Variants in TRPM3 observed in about 807,000 individuals in gnomAD.
The protein encoded by TRPM3 is long transient receptor potential channel 3.
Under a neutral mutation model 181.2 loss-of-function variants are expected in TRPM3, and 77 were observed. That is an observed-to-expected ratio of 0.42 (90% confidence interval 0.35 to 0.51). The LOEUF is 0.51. TRPM3 is among the 20% of genes least tolerant of loss of function. TRPM3 has a pLI of 0.01. For missense variants in TRPM3, 1,759 were observed against 2,196.7 expected, an observed-to-expected ratio of 0.80 and a Z score of 3.98; for synonymous variants, 745 against 796.4, an observed-to-expected ratio of 0.94 and a Z score of 1.09.
intron 1 of TRPM3, among the ~76,000 whole-genome samples, chr9:71,195,033 A>G (rs2078260502): frequency 1.3e-5 from 2 of 152,034 alleles, no homozygotes; most frequent in South Asian, 4.1e-4. Context: ...AGATCATCAC[A>G]TTAAAGAATA....
chr9:70,817,114 T>C (rs2092759149), intron 6 of TRPM3, among the ~76,000 whole-genome samples: 1 of 152,224 alleles, frequency 6.6e-6, no homozygotes, highest in African/African-American at 2.4e-5. Context: ...TATCTAGTCT[T>C]CCTTTCCTTC....
At chr9:71,122,070 T>A (rs921672568), upstream of TRPM3, among the ~76,000 whole-genome samples, 3 of 152,222 alleles carry the variant, frequency 2.0e-5, no homozygotes, top group African/African-American at 7.2e-5. Context: ...CAAAGCAGTT[T>A]AAACTCATGG....
chr9:71,004,357 A>G (rs559036478), intron 1 of TRPM3, among the ~76,000 whole-genome samples: 87 of 152,368 alleles, frequency 5.7e-4, no homozygotes, highest in African/African-American at 2.0e-3. Context: ...CTGGGAAACA[A>G]GGGCAGCACA....
chr9:71,063,298 T>A (rs1237095237), intron 1 of TRPM3, among the ~76,000 whole-genome samples: 2 of 152,140 alleles, frequency 1.3e-5, no homozygotes, highest in Non-Finnish European at 2.9e-5. Flanking sequence ...ATCAATAGCT[T>A]AGCTGAGTAC....
intron 22 of TRPM3, among the ~76,000 whole-genome samples, chr9:70,582,371 T>G (rs1184400842): frequency 6.6e-6 from 1 of 152,240 alleles, no homozygotes; most frequent in African/African-American, 2.4e-5. Flanking sequence ...CTTGATTGAT[T>G]GTTTAAAGCA....
At chr9:70,641,768 G>A (rs918409482) in intron 9 of TRPM3, among the ~76,000 whole-genome samples, 2 of 152,166 alleles carry the variant, frequency 1.3e-5, no homozygotes, top group Non-Finnish European at 2.9e-5. Flanking sequence ...CTAGGTGAAT[G>A]CATCCTGTCC....
chr9:70,995,384 C>T (rs183897711), intron 1 of TRPM3, among the ~76,000 whole-genome samples: 1 of 152,272 alleles, frequency 6.6e-6, no homozygotes, highest in Admixed American at 6.5e-5. Context: ...CTGCTTTTAA[C>T]TCTTATCTTT....
chr9:71,246,565 C>T (rs2082045606), intron 1 of TRPM3, among the ~76,000 whole-genome samples: 1 of 152,196 alleles, frequency 6.6e-6, no homozygotes, highest in African/African-American at 2.4e-5. Flanking sequence ...CAAACAATGG[C>T]TTTAACAAAC....
upstream of TRPM3, among the ~76,000 whole-genome samples, chr9:71,124,980 T>C (rs1305724037): frequency 3.9e-5 from 6 of 152,264 alleles, no homozygotes; most frequent in East Asian, 1.2e-3. Context: ...TGGACATCAA[T>C]TGTACATATA....
chr9:70,694,925 C>T (rs2069836121), intron 8 of TRPM3, among the ~76,000 whole-genome samples: 1 of 152,218 alleles, frequency 6.6e-6, no homozygotes, highest in Non-Finnish European at 1.5e-5. Flanking sequence ...GTTAGACTCA[C>T]CCAGTTCTTA....
chr9:70,797,081 G>T (rs1458425814), intron 6 of TRPM3, among the ~76,000 whole-genome samples: 6 of 152,190 alleles, frequency 3.9e-5, no homozygotes, highest in Admixed American at 6.5e-5. Context: ...AGTGAGCTGT[G>T]ATTGTGCCAC....
At chr9:71,206,186 G>C (rs1176324177) in intron 1 of TRPM3, among the ~76,000 whole-genome samples, 2 of 152,138 alleles carry the variant, frequency 1.3e-5, no homozygotes, top group African/African-American at 4.8e-5. Flanking sequence ...TTTCTACAAT[G>C]GTTGAACTAA....
intron 1 of TRPM3, among the ~76,000 whole-genome samples, chr9:70,906,544 C>A (rs1469683979): frequency 1.3e-5 from 2 of 152,126 alleles, no homozygotes; most frequent in Non-Finnish European, 2.9e-5. Flanking sequence ...TTCTCCAGGA[C>A]TAGAGAATAA....
At chr9:71,411,328 T>C (rs758220556) in intron 1 of TRPM3, among the ~76,000 whole-genome samples, 1 of 152,234 alleles carries the variant, frequency 6.6e-6, no homozygotes, top group Non-Finnish European at 1.5e-5. Context: ...TGTTTGCAGA[T>C]GACATGATTG....
Position 71,005,584 on chromosome 9 carries a change from T to A in TRPM3, c.177+115594A>T, listed in dbSNP as rs141637200. On this transcript the variant is annotated intron_variant, in intron 1 of 25. Coordinates refer to ENST00000677713, the MANE Select transcript of TRPM3 (RefSeq NM_001366145.2). ...CTCAATATAGCATTCAGCAAACTTT[T>A]CAGCAGAAACCCTGTAGGCTGAGAA... 4.0e-4 allele frequency among the ~76,000 whole-genome samples: 61 copies of A among 152,228 alleles called. 1 individual carries two copies. Among genetic ancestry groups the A allele is most frequent in the African/African-American group, 1.4e-3 (57 of 41,556 alleles).
intron 1 of TRPM3, among the ~76,000 whole-genome samples, chr9:71,168,601 T>TTTTC (rs2076670193): frequency 3.2e-5 from 1 of 31,236 alleles, no homozygotes. Flanking sequence ...TTATTTTTAT[T>TTTTC]TTTATTTATT....
At chr9:71,200,106 AT>A (rs1408360694) in intron 1 of TRPM3, among the ~76,000 whole-genome samples, 2 of 151,918 alleles carry the variant, frequency 1.3e-5, no homozygotes, top group African/African-American at 4.8e-5. Context: ...GAACATCTTT[AT>A]TTCTGCCTTC....
chr9:70,701,078 G>A (rs775830534), intron 8 of TRPM3, among the ~76,000 whole-genome samples: 2 of 152,092 alleles, frequency 1.3e-5, no homozygotes, highest in Admixed American at 6.5e-5. Context: ...TAGAAATATT[G>A]AAGAATGAAG....
At chr9:70,902,303 C>T (rs2096398328) in intron 1 of TRPM3, among the ~76,000 whole-genome samples, 1 of 152,192 alleles carries the variant, frequency 6.6e-6, no homozygotes, top group Admixed American at 6.5e-5. Context: ...TATGTATTCA[C>T]ACAACAAAGC....
Sources: gnomAD v4.1 joint callset for allele counts (sites outside exome capture counted in the v4.1 genomes callset) on GRCh38, gnomAD v4.1.1 for gene constraint, MANE v1.5 for transcripts, NCBI Gene and HGNC (gene_info 2026-07-23, HGNC 2026-07-21) for gene names.